SLC38A8: variants seen among roughly 807,000 people sequenced by gnomAD.
SLC38A8 encodes amino acid transporter SLC38A8.
SLC38A8 carries 65 observed loss-of-function variants against 46.0 expected under a neutral mutation model. The ratio of observed to expected loss-of-function variants is 1.41; its 90% CI spans 1.16 to 1.74. SLC38A8 has a LOEUF of 1.74. Ranked by LOEUF, SLC38A8 falls within the 40% of genes most tolerant of loss-of-function variation. The probability of loss-of-function intolerance (pLI) is 0.00; values close to 1 mark genes in which losing one functional copy is unlikely to be tolerated. For synonymous variants in SLC38A8, 447 were observed against 243.7 expected (o/e 1.83, Z -7.77); for missense variants, 998 against 567.9 (o/e 1.76, Z -7.70).
chr16:84,026,855 G>T (rs886732325), intron 6 of SLC38A8, among the ~76,000 whole-genome samples: 1 of 152,170 alleles, frequency 6.6e-6, no homozygotes, highest in African/African-American at 2.4e-5. Context: ...AGACAGACAA[G>T]AAGTGCAAGA....
chr16:84,012,250 G>A (rs541475377), intron 10 of SLC38A8, among the ~76,000 whole-genome samples: 5 of 152,324 alleles, frequency 3.3e-5, no homozygotes, highest in African/African-American at 1.2e-4. Flanking sequence ...CTACCCAGGG[G>A]CGGCTGAGGA....
intron 3 of SLC38A8, among the ~76,000 whole-genome samples, chr16:84,035,783 G>T (rs2085293620): frequency 6.6e-6 from 1 of 152,224 alleles, no homozygotes; most frequent in Non-Finnish European, 1.5e-5. Flanking sequence ...GAGTTTCAAA[G>T]ACCACGAACC....
chr16:84,016,594 G>A lies in SLC38A8; in HGVS notation c.1087C>T (p.Leu363=). ...LWVTVTLAMA[L]FMPDLSEIVS... is the part of the protein sequence containing the mutation. ...ATCTCGCTGAGGTCAGGCATAAACA[G>A]CGCCATGGCGAGCGTCACGGTGACC... The change falls in exon 9 of 11, where the codon CTG becomes TTG. Residue 363 remains leucine, a synonymous_variant. Coordinates refer to ENST00000299709, the MANE Select transcript of SLC38A8 (RefSeq NM_001080442.3). 6.2e-7 allele frequency: 1 copy of A among 1,614,052 alleles called. No homozygotes were observed. Among genetic ancestry groups the A allele is most frequent in the Non-Finnish European group, 8.5e-7 (1 of 1,180,036 alleles).
At chr16:84,013,493 C>G (rs7194466) in intron 9 of SLC38A8, among the ~76,000 whole-genome samples, 1 of 136,966 alleles carries the variant, frequency 7.3e-6, no homozygotes, top group Non-Finnish European at 1.5e-5. Context: ...TGCAGTGGCA[C>G]CATCTCGGCT....
chr16:84,014,252 G>A lies in SLC38A8; in HGVS notation c.1163-1200C>T, dbSNP rs572346605. ...TGAAAGCTCCACCCTAAGCCCGAGG[G>A]AGAAGCCACAAGGCCACACCCCTCA... On this transcript the variant is annotated intron_variant, in intron 9 of 10. Coordinates refer to ENST00000299709, the MANE Select transcript of SLC38A8 (RefSeq NM_001080442.3). 2.7e-5 allele frequency among the ~76,000 whole-genome samples: 4 copies of A among 150,934 alleles called. No homozygotes were observed. In the East Asian group the frequency reaches 7.9e-4, roughly 30 times the overall value.
At chr16:84,018,454 C>T (rs911029222) in intron 7 of SLC38A8, among the ~76,000 whole-genome samples, 7 of 151,958 alleles carry the variant, frequency 4.6e-5, no homozygotes, top group East Asian at 1.9e-4. Context: ...CTCCTGACCT[C>T]GTGATCCACC....
At chr16:84,025,065 G>T (rs568811050) in intron 6 of SLC38A8, among the ~76,000 whole-genome samples, 13 of 152,290 alleles carry the variant, frequency 8.5e-5, no homozygotes, top group East Asian at 1.9e-4. Context: ...GTGGGTCGTG[G>T]ACATTGGTGA....
chr16:84,031,085 G>A (rs2085232730), intron 5 of SLC38A8, among the ~76,000 whole-genome samples: 1 of 152,060 alleles, frequency 6.6e-6, no homozygotes, highest in Non-Finnish European at 1.5e-5. Context: ...CTGTTGCCCA[G>A]GCTGGAGTGC....
At chr16:84,028,866 A>G (rs2085200867) in intron 6 of SLC38A8, among the ~76,000 whole-genome samples, 1 of 151,994 alleles carries the variant, frequency 6.6e-6, no homozygotes, top group African/African-American at 2.4e-5. Context: ...TACATCCTTC[A>G]AGATCCCTTT....
At chr16:84,035,121 G>A (rs750669604) in intron 3 of SLC38A8, among the ~76,000 whole-genome samples, 10 of 152,112 alleles carry the variant, frequency 6.6e-5, no homozygotes, top group East Asian at 1.9e-4. Flanking sequence ...ATCCTCATCC[G>A]TCCTCTGACT....
At chr16:84,026,244 T>TGTTTC (rs983983212) in intron 6 of SLC38A8, among the ~76,000 whole-genome samples, 1 of 151,828 alleles carries the variant, frequency 6.6e-6, no homozygotes, top group Admixed American at 6.6e-5. Context: ...TGTTTTGTTT[T>TGTTTC]TTTGAGACAG....
At chr16:84,012,823 T>C (rs1320675890) in intron 10 of SLC38A8, among the ~76,000 whole-genome samples, 178 bp downstream of exon 10, 1 of 152,156 alleles carries the variant, frequency 6.6e-6, no homozygotes, top group Non-Finnish European at 1.5e-5. Flanking sequence ...TGGCCCGGGC[T>C]CCTATCCTGG....
chr16:84,034,155 C>T (rs1340422315), intron 3 of SLC38A8, among the ~76,000 whole-genome samples: 1 of 152,200 alleles, frequency 6.6e-6, no homozygotes, highest in African/African-American at 2.4e-5. Context: ...TCCACATGGG[C>T]CACCTAGCAG....
chr16:84,038,013 T>C (rs2085321395), intron 2 of SLC38A8, among the ~76,000 whole-genome samples: 1 of 151,864 alleles, frequency 6.6e-6, no homozygotes, highest in Non-Finnish European at 1.5e-5. Context: ...CCAAAATGTA[T>C]TATAAAAAAT....
chr16:84,039,468 G>C (rs1459044608), intron 2 of SLC38A8, among the ~76,000 whole-genome samples: 1 of 152,138 alleles, frequency 6.6e-6, no homozygotes, highest in African/African-American at 2.4e-5. Context: ...AGGGGGGCCG[G>C]GTACGGTGGC....
chr16:84,033,438 G>T lies in SLC38A8; in HGVS notation c.420C>A (p.Pro140=). 1 of 1,610,902 alleles carries T rather than the reference G, an allele frequency of 6.2e-7. No individual in the cohort carries two copies. The highest frequency in any genetic ancestry group is 8.5e-7 in the Non-Finnish European group (1 of 1,178,664). ...GGTCTGCGTACCACGGCTGCGGGGCGGGCGGGGTGCCAGACAGGAGGGAGT... is the reference window on the plus strand; with the variant it reads ...GGTCTGCGTACCACGGCTGCGGGGCTGGCGGGGTGCCAGACAGGAGGGAGT... The part of the protein sequence containing the change: ...LCDSLLSGTP[P]APQPWYADQR... Residue 140 remains proline, a synonymous_variant, in exon 4 of 11, where the codon CCC becomes CCA. Coordinates refer to ENST00000299709, the MANE Select transcript of SLC38A8 (RefSeq NM_001080442.3).
intron 2 of SLC38A8, among the ~76,000 whole-genome samples, chr16:84,037,675 C>G (rs1357437189): frequency 6.6e-6 from 1 of 151,738 alleles, no homozygotes; most frequent in African/African-American, 2.4e-5. Context: ...GCAGCAAAAT[C>G]TCTTGAACCT....
chr16:84,036,865 G>C lies in SLC38A8; in HGVS notation c.225C>G (p.Ile75Met). The change falls in exon 3 of 11, where the codon ATC becomes ATG. Residue 75 changes from isoleucine (I) to methionine (M), a missense_variant. Physicochemically the swap from Ile to Met is conservative, Grantham distance 10 (BLOSUM62 1). Transcript: ENST00000299709. The stretch of plus-strand genomic sequence containing the variant: ...CACTGACAGCAGCAGCATAGCCCAG[G>C]ATGACCAGCCCGCTGATCAGGAAGA... ...SLVFLISGLV[I>M]LGYAAAVSGQ... 2 of 1,613,334 alleles carry C rather than the reference G, an allele frequency of 1.2e-6. No homozygotes were observed. Among genetic ancestry groups the C allele is most frequent in the Admixed American group, 1.7e-5 (1 of 60,006 alleles).
intron 7 of SLC38A8, among the ~76,000 whole-genome samples, chr16:84,019,280 T>A (rs553646248): frequency 7.2e-5 from 11 of 152,214 alleles, no homozygotes; most frequent in African/African-American, 2.2e-4. Flanking sequence ...TTCACTGTGT[T>A]AGCCAGGATG....
Sources: gnomAD v4.1 joint callset for allele counts (sites outside exome capture counted in the v4.1 genomes callset) on GRCh38, gnomAD v4.1.1 for gene constraint, MANE v1.5 for transcripts, NCBI Gene and HGNC (gene_info 2026-07-23, HGNC 2026-07-21) for gene names.